The following CNMD variants were observed in gnomAD, a reference collection of about 807,000 sequenced individuals.
CNMD encodes the protein leukocyte cell-derived chemotaxin 1.
CNMD carries 30 observed loss-of-function variants against 37.5 expected under a neutral mutation model. The observed-to-expected ratio is 0.80, with a 90% confidence interval of 0.60 to 1.09. The LOEUF (loss-of-function observed/expected upper bound fraction) is 1.09. Among genes scored for constraint, CNMD ranks in the 50% least tolerant of loss-of-function variants. The pLI, the probability that CNMD is intolerant of heterozygous loss-of-function variation, is 0.00. For synonymous variants in CNMD, 167 were observed against 148.2 expected (o/e 1.13, Z -0.92); for missense variants, 398 against 423.9 (o/e 0.94, Z 0.54).
At chr13:52,708,760 G>T in intron 5 of CNMD, 58 bp from the exon 6 acceptor site, 2 of 1,356,268 alleles carry the variant, frequency 1.5e-6, no homozygotes, top group Non-Finnish European at 2.0e-6. Flanking sequence ...AATTAGATCT[G>T]TGTTTATCAG....
intron 3 of CNMD, among the ~76,000 whole-genome samples, chr13:52,729,727 C>A (rs1964631305): frequency 6.6e-6 from 1 of 152,060 alleles, no homozygotes; most frequent in South Asian, 2.1e-4. Flanking sequence ...TTTACTTTCT[C>A]TAGCTTTTTA....
At chr13:52,737,917 T>C (rs528828643) in intron 2 of CNMD, among the ~76,000 whole-genome samples, 1 of 152,374 alleles carries the variant, frequency 6.6e-6, no homozygotes, top group East Asian at 1.9e-4. Flanking sequence ...GTAAATTTGA[T>C]ATAGTCTCTA....
Position 52,717,916 on chromosome 13 carries a change from G to A in CNMD, c.469-5047C>T, listed in dbSNP as rs139889626. ...TGTTTGGAATAGTTACAGAAAGAAT[G>A]GTACCAGCTCCTCTTTGTACCTCTG... On this transcript the variant is annotated intron_variant, in intron 4 of 6. Transcript: ENST00000377962. Among the ~76,000 whole-genome samples, 1,380 of 152,250 alleles carry A rather than the reference G, an allele frequency of 9.1e-3. 24 individuals carry two copies. The highest frequency in any genetic ancestry group is 0.031 in the African/African-American group (1,299 of 41,530).
Position 52,739,368 on chromosome 13 carries a change from G to T in CNMD, c.73-197C>A. The T allele has an allele frequency of 1.4e-6, 1 of 704,638 alleles. No homozygotes were observed. Among genetic ancestry groups the T allele is most frequent in the Non-Finnish European group, 2.3e-6 (1 of 439,892 alleles). The allele number at this position is 704,638 out of a possible 1,614,324, so 43.6% of individuals were successfully genotyped here. A position where few individuals can be genotyped will look rare whatever the true frequency, so the allele number is the denominator to read the frequency against. ...TTGCAGTCGGGCGTGGAAGTGGGAT[G>T]AGCAAACCCCGCAGCACAGGGCCTT... On this transcript the variant is annotated intron_variant, in intron 1 of 6. Transcript: ENST00000377962. The surrounding 1 kb of genome is among the most constrained non-coding windows in gnomAD (Gnocchi z 5.4).
chr13:52,708,796 C>A, intron 5 of CNMD, 94 bp from the exon 6 acceptor site: 1 of 1,093,686 alleles, frequency 9.1e-7, no homozygotes, highest in Non-Finnish European at 1.3e-6. Flanking sequence ...AAAAGGATAT[C>A]AAAATTTGTG....
intron 5 of CNMD, among the ~76,000 whole-genome samples, chr13:52,709,963 C>A (rs553651423): frequency 2.0e-5 from 3 of 152,024 alleles, no homozygotes; most frequent in Non-Finnish European, 4.4e-5. Context: ...ACGAGTGAAA[C>A]TCCATCTCAA....
rs143707428 is a variant in CNMD, at chr13:52,730,687, G to C, written c.354+2532C>G. On this transcript the variant is annotated intron_variant, in intron 3 of 6. Coordinates refer to ENST00000377962, the MANE Select transcript of CNMD (RefSeq NM_007015.3). ...ATGGGATATTCTTTCAATTTCTAAG[G>C]CTTTTTGTTATATAAATGGGGCATT... Among the ~76,000 whole-genome samples the C allele has an allele frequency of 9.9e-3, 1,500 of 152,216 alleles. 20 individuals are homozygous for C. The highest frequency in any genetic ancestry group is 0.016 in the Non-Finnish European group (1,059 of 68,028).
chr13:52,706,376 G>A (rs370573404), intron 6 of CNMD, among the ~76,000 whole-genome samples: 63 of 152,310 alleles, frequency 4.1e-4, no homozygotes, highest in African/African-American at 1.4e-3. Flanking sequence ...ACTTCCATGT[G>A]TGTACAAAGA....
Position 52,703,643 on chromosome 13 carries a change from G to C in CNMD, c.957C>G (p.Val319=). 1 of 1,613,942 alleles carries C rather than the reference G, an allele frequency of 6.2e-7. No homozygotes were observed. Among genetic ancestry groups the C allele is most frequent in the Non-Finnish European group, 8.5e-7 (1 of 1,179,882 alleles). ...CCACCCACCAGCTACATGGCATGAT[G>C]ACTCTGCAGGCCGAACGGCAGCCTT... The part of the protein sequence containing the change: ...NYQGCRSACR[V]IMPCSWWVAR... Residue 319 remains valine (V), a synonymous_variant, in exon 7 of 7, where the codon GTC becomes GTG. Transcript: ENST00000377962.
chr13:52,707,485 A>G (rs1441172986), intron 6 of CNMD, among the ~76,000 whole-genome samples: 3 of 151,986 alleles, frequency 2.0e-5, no homozygotes, highest in African/African-American at 7.2e-5. Context: ...GTGTGGCTCT[A>G]TCCTCTAACT....
Position 52,739,162 on chromosome 13 carries a change from T to C in CNMD, c.82A>G (p.Thr28Ala). 1 of 1,508,406 alleles carries C rather than the reference T, an allele frequency of 6.6e-7. No individual in the cohort carries two copies. The highest frequency in any genetic ancestry group is 1.3e-5 in the South Asian group (1 of 77,210). 93.4% of individuals were successfully genotyped at this position (1,508,406 alleles called of 1,614,324 possible). A position where few individuals can be genotyped will look rare whatever the true frequency, so the allele number is the denominator to read the frequency against. ...VEFCSPPAYATLTVKPSSPAR... is the reference protein window; with the variant it reads ...VEFCSPPAYAALTVKPSSPAR... ...GGGCTGGAGGGCTTCACCGTCAGCG[T>C]AGCGTACGCCTGCGGGCCGGGGCGG... Residue 28 changes from threonine to alanine, a missense_variant, in exon 2 of 7, where the codon ACG (threonine) becomes GCG (alanine). By Grantham distance (58) the Thr-to-Ala change is moderately conservative (BLOSUM62 0). Transcript: ENST00000377962. This position sits in a 1 kb window ranked among gnomAD's most constrained non-coding sequence, Gnocchi z 5.4.
chr13:52,735,751 C>T (rs562487906), intron 2 of CNMD, among the ~76,000 whole-genome samples: 17 of 151,524 alleles, frequency 1.1e-4, no homozygotes, highest in Admixed American at 3.3e-4. Context: ...TATTCAAAAC[C>T]GCCCTGGGCC....
At position 52,703,588 on chromosome 13, in the gene CNMD, A is replaced by C; in HGVS notation, c.*7T>G. The C allele has an allele frequency of 6.3e-7, 1 of 1,594,898 alleles. No homozygotes were observed. Among genetic ancestry groups the C allele is most frequent in the Non-Finnish European group, 8.6e-7 (1 of 1,163,922 alleles). Reference sequence around the variant, plus strand: ...TTATTTTACAGCACATGATATATGAAGTGATTTCACACCATGCCCAAGATA... The same window carrying C: ...TTATTTTACAGCACATGATATATGACGTGATTTCACACCATGCCCAAGATA... On this transcript the variant is annotated 3_prime_UTR_variant, in exon 7 of 7. Transcript: ENST00000377962.
In CNMD at chr13:52,708,498, G is replaced by C. The variant is rs200990484; in HGVS notation, c.789+38C>G. The C allele has an allele frequency of 2.5e-6, 4 of 1,582,616 alleles. No homozygotes were observed. The Admixed American group carries it at 7.1e-5, about 28-fold the overall frequency. On this transcript the variant is annotated intron_variant, in intron 6 of 6. Transcript: ENST00000377962. Reference sequence around the variant, plus strand: ...GCCCGGCCTTGGCACTATGTTTAATGCATTTGTCTAATCATGTCAAAAAGC... The same window carrying C: ...GCCCGGCCTTGGCACTATGTTTAATCCATTTGTCTAATCATGTCAAAAAGC...
chr13:52,739,267 TG>T lies in CNMD; in HGVS notation c.73-97del. ...GCCCCACGCGGTAGCCCCCAGGGAG[TG>T]GGGAGTCGGGCGGGAAACAGCTCGC... is the stretch of plus-strand genomic sequence containing the variant. On this transcript the variant is annotated intron_variant, in intron 1 of 6. Coordinates refer to ENST00000377962, the MANE Select transcript of CNMD (RefSeq NM_007015.3). This position sits in a 1 kb window ranked among gnomAD's most constrained non-coding sequence, Gnocchi z 5.4. 1 of 1,353,974 alleles carries T rather than the reference TG, an allele frequency of 7.4e-7. No individual in the cohort carries two copies. 83.9% of individuals were successfully genotyped at this position (1,353,974 alleles called of 1,614,324 possible).
At position 52,703,527 on chromosome 13, in the gene CNMD, C is replaced by G; in HGVS notation, c.*68G>C. The G allele has an allele frequency of 8.9e-7, 1 of 1,119,688 alleles. No individual in the cohort carries two copies. Among genetic ancestry groups the G allele is most frequent in the Non-Finnish European group, 1.3e-6 (1 of 744,674 alleles). The allele number at this position is 1,119,688 out of a possible 1,614,324, so 69.4% of individuals were successfully genotyped here. ...TTGTGGTCCTATCAGCATCAACCTG[C>G]CTTAATGCTTCTTTGGTTGTCTCTT... On this transcript the variant is annotated 3_prime_UTR_variant, in exon 7 of 7. Coordinates refer to ENST00000377962, the MANE Select transcript of CNMD (RefSeq NM_007015.3).
chr13:52,733,640 G>A (rs1462089984), intron 2 of CNMD: 4 of 460,798 alleles, frequency 8.7e-6, no homozygotes, highest in Middle Eastern at 6.6e-4. Flanking sequence ...AAGCATCTGG[G>A]TAGACTCTCT....
chr13:52,709,676 A>G (rs181052481), intron 5 of CNMD, among the ~76,000 whole-genome samples: 20 of 152,284 alleles, frequency 1.3e-4, no homozygotes, highest in Non-Finnish European at 2.4e-4. Context: ...ATGGCTGCCA[A>G]TTAACCAAAA....
At chr13:52,705,029 G>A (rs768901398) in intron 6 of CNMD, among the ~76,000 whole-genome samples, 7 of 150,424 alleles carry the variant, frequency 4.7e-5, no homozygotes, top group Non-Finnish European at 1.0e-4. Flanking sequence ...TTGCACTCCC[G>A]CCTGGGTAAC....
Sources: gnomAD v4.1 joint callset for allele counts (sites outside exome capture counted in the v4.1 genomes callset) on GRCh38, gnomAD v4.1.1 for gene constraint, Gnocchi (gnomAD v3.1) non-coding constraint, MANE v1.5 for transcripts, NCBI Gene and HGNC (gene_info 2026-07-23, HGNC 2026-07-21) for gene names.